KIRREL3: variants seen among roughly 807,000 people sequenced by gnomAD.
KIRREL3 encodes kin of IRRE-like protein 3.
Under a neutral mutation model 89.7 loss-of-function variants are expected in KIRREL3, and 36 were observed. That is an observed-to-expected ratio of 0.40 (90% CI 0.31 to 0.53). The LOEUF is 0.53. KIRREL3 is among the 20% of genes least tolerant of loss of function. KIRREL3 has a pLI of 0.49. For missense variants in KIRREL3, 864 were observed against 1,056.6 expected, an observed-to-expected ratio of 0.82 and a Z score of 2.53; for synonymous variants, 445 against 441.4, an observed-to-expected ratio of 1.01 and a Z score of -0.10.
chr11:126,864,924 C>T (rs766533463), intron 1 of KIRREL3, among the ~76,000 whole-genome samples: 1 of 152,102 alleles, frequency 6.6e-6, no homozygotes, highest in Non-Finnish European at 1.5e-5. Flanking sequence ...TCCTACTGGC[C>T]TTAGGTGTGA....
intron 6 of KIRREL3, among the ~76,000 whole-genome samples, chr11:126,456,986 C>T (rs896808142): frequency 2.6e-5 from 4 of 152,062 alleles, no homozygotes; most frequent in Admixed American, 1.3e-4. Context: ...GGCCGGGGCT[C>T]GCTTCCTCAT....
chr11:126,479,479 C>T (rs1043284644), intron 4 of KIRREL3, among the ~76,000 whole-genome samples: 1 of 152,244 alleles, frequency 6.6e-6, no homozygotes, highest in African/African-American at 2.4e-5. Context: ...TTGGCACCTC[C>T]TGGGAGCTTG....
chr11:126,858,039 C>G (rs900940713), intron 1 of KIRREL3, among the ~76,000 whole-genome samples: 4 of 152,200 alleles, frequency 2.6e-5, no homozygotes, highest in Non-Finnish European at 4.4e-5. Flanking sequence ...CAGCCAGGTC[C>G]CCACTTACCG....
chr11:126,896,689 CT>C lies in KIRREL3; in HGVS notation c.55+103765del, dbSNP rs890904867. 2.0e-5 allele frequency among the ~76,000 whole-genome samples: 3 copies of C among 152,142 alleles called. No individual in the cohort carries two copies. Among genetic ancestry groups the C allele is most frequent in the African/African-American group, 7.2e-5 (3 of 41,420 alleles). Reference sequence around the variant, plus strand: ...TTTAATTCTTTTGAGGGCCGTTGCTCTTCTCAGACACCCAGGGGAGGGGTTC... The same window carrying C: ...TTTAATTCTTTTGAGGGCCGTTGCTCTCTCAGACACCCAGGGGAGGGGTTC... On this transcript the variant is annotated intron_variant, in intron 1 of 16. Transcript: ENST00000525144. This position sits in a 1 kb window ranked among gnomAD's most constrained non-coding sequence, Gnocchi z 4.1.
rs116151035 is a variant in KIRREL3, at chr11:126,486,722, C to T, written c.434-13256G>A. Among the ~76,000 whole-genome samples the T allele has an allele frequency of 2.9e-4, 44 of 152,264 alleles. No homozygotes were observed. Among genetic ancestry groups the T allele is most frequent in the African/African-American group, 1.0e-3 (42 of 41,558 alleles). On this transcript the variant is annotated intron_variant, in intron 4 of 16. Coordinates refer to ENST00000525144, the MANE Select transcript of KIRREL3 (RefSeq NM_032531.4). This position sits in a 1 kb window ranked among gnomAD's most constrained non-coding sequence, Gnocchi z 6.2. The stretch of plus-strand genomic sequence containing the variant: ...TGGCCAAAACATTTGGGGCAAGTCA[C>T]GCAACTGGCAAGGACTCTGGCTCAG...
At chr11:126,899,813 G>A (rs1946301457) in intron 1 of KIRREL3, among the ~76,000 whole-genome samples, 1 of 152,210 alleles carries the variant, frequency 6.6e-6, no homozygotes, top group African/African-American at 2.4e-5. Flanking sequence ...TAGTTTACAA[G>A]TAATCCTCAA....
Position 126,523,097 on chromosome 11 carries a change from C to G in KIRREL3, c.284-1633G>C, listed in dbSNP as rs1278828011. Among the ~76,000 whole-genome samples, 3 of 152,210 alleles carry G rather than the reference C, an allele frequency of 2.0e-5. No homozygotes were observed. The highest frequency in any genetic ancestry group is 3.8e-4 in the East Asian group (2 of 5,200). ...CTCCCAAGGGCAGCACCAGCACCAACAGGCAGAATTCACATGGGGAGGTTC... is the reference window on the plus strand; with the variant it reads ...CTCCCAAGGGCAGCACCAGCACCAAGAGGCAGAATTCACATGGGGAGGTTC... On this transcript the variant is annotated intron_variant, in intron 3 of 16. Coordinates refer to ENST00000525144, the MANE Select transcript of KIRREL3 (RefSeq NM_032531.4). The surrounding 1 kb of genome is among the most constrained non-coding windows in gnomAD (Gnocchi z 4.9).
intron 1 of KIRREL3, among the ~76,000 whole-genome samples, chr11:126,998,344 C>T (rs1006600383): frequency 2.0e-5 from 3 of 152,220 alleles, no homozygotes; most frequent in Non-Finnish European, 4.4e-5. Flanking sequence ...CGGACACTGT[C>T]TATTCAAGAA....
At position 126,837,570 on chromosome 11, in the gene KIRREL3, C is replaced by G. The variant is rs1943823235; in HGVS notation, c.55+162885G>C. Among the ~76,000 whole-genome samples, 1 of 152,166 alleles carries G rather than the reference C, an allele frequency of 6.6e-6. No homozygotes were observed. The highest frequency in any genetic ancestry group is 1.5e-5 in the Non-Finnish European group (1 of 68,040). On this transcript the variant is annotated intron_variant, in intron 1 of 16. Transcript: ENST00000525144. This position sits in a 1 kb window ranked among gnomAD's most constrained non-coding sequence, Gnocchi z 4.7. ...AAAGAACTCCTCTTCCCACCTCTTC[C>G]AATCCTCGCTACATCCAGGAACTTA...
At chr11:126,583,907 T>G (rs1277726069) in intron 1 of KIRREL3, among the ~76,000 whole-genome samples, 1 of 152,236 alleles carries the variant, frequency 6.6e-6, no homozygotes, top group Non-Finnish European at 1.5e-5. Flanking sequence ...TGCTGGTGGC[T>G]GCAGGCTTTC....
At chr11:126,444,191 A>G (rs1955697690) in intron 10 of KIRREL3, among the ~76,000 whole-genome samples, 1 of 152,132 alleles carries the variant, frequency 6.6e-6, no homozygotes, top group Admixed American at 6.5e-5. Flanking sequence ...TGCTGCAATT[A>G]TTTTTATTAT....
At chr11:126,702,217 A>T (rs948067270) in intron 1 of KIRREL3, among the ~76,000 whole-genome samples, 6 of 152,228 alleles carry the variant, frequency 3.9e-5, no homozygotes, top group African/African-American at 1.4e-4. Context: ...ATGATAATGC[A>T]TGTAAAATGC....
chr11:126,526,769 C>A lies in KIRREL3; in HGVS notation c.134-82G>T. 6.9e-7 allele frequency: 1 copy of A among 1,456,206 alleles called. No homozygotes were observed. The allele number at this position is 1,456,206 out of a possible 1,614,324, so 90.2% of individuals were successfully genotyped here. ...CTCCCCTCCAGCTATGGAAGCAGAG[C>A]AGGGCTGGCGCAGGAGACTGAGCCT... On this transcript the variant is annotated intron_variant, in intron 2 of 16. Coordinates refer to ENST00000525144, the MANE Select transcript of KIRREL3 (RefSeq NM_032531.4). This position sits in a 1 kb window ranked among gnomAD's most constrained non-coding sequence, Gnocchi z 5.7.
At chr11:126,824,665 T>G (rs1024684625) in intron 1 of KIRREL3, among the ~76,000 whole-genome samples, 1 of 152,210 alleles carries the variant, frequency 6.6e-6, no homozygotes, top group African/African-American at 2.4e-5. Flanking sequence ...TTTTGAGTCT[T>G]TGATCAGCCT....
chr11:126,500,147 G>C (rs1034887476), intron 4 of KIRREL3, among the ~76,000 whole-genome samples: 1 of 152,218 alleles, frequency 6.6e-6, no homozygotes, highest in Non-Finnish European at 1.5e-5. Flanking sequence ...TTTATTATTA[G>C]ATGCTGTTGG....
intron 4 of KIRREL3, among the ~76,000 whole-genome samples, chr11:126,505,862 A>C (rs1328237077): frequency 6.6e-6 from 1 of 152,230 alleles, no homozygotes; most frequent in Admixed American, 6.5e-5. Flanking sequence ...AATATTGTTA[A>C]GGTGGCAATT....
chr11:126,943,339 G>A lies in KIRREL3; in HGVS notation c.55+57116C>T, dbSNP rs911594973. 1.3e-5 allele frequency among the ~76,000 whole-genome samples: 2 copies of A among 152,102 alleles called. No individual in the cohort carries two copies. Among genetic ancestry groups the A allele is most frequent in the African/African-American group, 4.8e-5 (2 of 41,412 alleles). ...GGAGACTCCATCTCCACCACGGAACGCCTTACTCCTGGAACTAATCACAGC... is the reference window on the plus strand; with the variant it reads ...GGAGACTCCATCTCCACCACGGAACACCTTACTCCTGGAACTAATCACAGC... On this transcript the variant is annotated intron_variant, in intron 1 of 16. Coordinates refer to ENST00000525144, the MANE Select transcript of KIRREL3 (RefSeq NM_032531.4). The surrounding 1 kb of genome is among the most constrained non-coding windows in gnomAD (Gnocchi z 4.2).
chr11:126,917,706 A>G lies in KIRREL3; in HGVS notation c.55+82749T>C, dbSNP rs1947097448. Among the ~76,000 whole-genome samples, 1 of 152,156 alleles carries G rather than the reference A, an allele frequency of 6.6e-6. No individual in the cohort carries two copies. The highest frequency in any genetic ancestry group is 2.4e-5 in the African/African-American group (1 of 41,438). On this transcript the variant is annotated intron_variant, in intron 1 of 16. Transcript: ENST00000525144. This position sits in a 1 kb window ranked among gnomAD's most constrained non-coding sequence, Gnocchi z 5.0. ...CACATACTAGAAACCATATACTAGA[A>G]ACCACTCACACTAGAAACCAATAGT...
intron 5 of KIRREL3, among the ~76,000 whole-genome samples, chr11:126,472,703 G>GGAGAGAGAGAGA (rs56276959): frequency 0.013 from 1,739 of 134,184 alleles, 31 homozygotes; most frequent in African/African-American, 0.02. Context: ...AGGACATAGA[G>GGAGAGAGAGAGA]GAGAGAGAGA....
Sources: gnomAD v4.1 joint callset for allele counts (sites outside exome capture counted in the v4.1 genomes callset) on GRCh38, gnomAD v4.1.1 for gene constraint, Gnocchi (gnomAD v3.1) non-coding constraint, MANE v1.5 for transcripts, NCBI Gene and HGNC (gene_info 2026-07-23, HGNC 2026-07-21) for gene names.